The following NRG1 variants were observed in gnomAD, a reference collection of about 807,000 sequenced individuals.
The protein encoded by NRG1 is neuregulin 1, also known as pro-neuregulin-1, membrane-bound isoform.
In NRG1, 18 loss-of-function variants were observed where a neutral mutation model predicts 63.8. That is an observed-to-expected ratio of 0.28 (90% CI 0.19 to 0.42). The LOEUF is 0.42. NRG1 is among the 10% of genes least tolerant of loss of function. The pLI is 1.00. For missense variants in NRG1, 762 were observed against 814.7 expected (o/e 0.94, Z 0.79); for synonymous variants, 302 against 301.3 (o/e 1.00, Z -0.02).
intron 1 of NRG1, among the ~76,000 whole-genome samples, chr8:31,702,849 G>C (rs1051181640): frequency 4.0e-5 from 6 of 151,892 alleles, no homozygotes; most frequent in Admixed American, 2.6e-4. Context: ...TTTCCTCCAA[G>C]GCTATAGCTG....
chr8:32,548,170 C>A (rs909338639), upstream of NRG1: 23 of 958,580 alleles, frequency 2.4e-5, no homozygotes, highest in Non-Finnish European at 2.9e-5. Flanking sequence ...GGCGTGTCCG[C>A]GCCTCGGGGT....
intron 1 of NRG1, among the ~76,000 whole-genome samples, chr8:32,066,021 T>C (rs1391682370): frequency 1.3e-5 from 2 of 152,264 alleles, no homozygotes; most frequent in Non-Finnish European, 2.9e-5. Flanking sequence ...TTGCCCACTT[T>C]TTGATGGGGT....
chr8:32,163,100 C>A (rs1454538827), intron 1 of NRG1, among the ~76,000 whole-genome samples: 1 of 152,166 alleles, frequency 6.6e-6, no homozygotes, highest in Non-Finnish European at 1.5e-5. Context: ...ATCAATGAAT[C>A]ATATTTATCC....
chr8:32,093,343 G>T (rs1829461087), intron 1 of NRG1, among the ~76,000 whole-genome samples: 1 of 152,190 alleles, frequency 6.6e-6, no homozygotes, highest in Non-Finnish European at 1.5e-5. Context: ...ATAGCAACAA[G>T]TATAAGGCCT....
chr8:31,721,045 G>A (rs1812862582), intron 1 of NRG1, among the ~76,000 whole-genome samples: 1 of 152,168 alleles, frequency 6.6e-6, no homozygotes, highest in East Asian at 1.9e-4. Flanking sequence ...ATTGCAACCA[G>A]ACAGCAATCT....
At chr8:31,908,380 A>C (rs1040605551) in intron 1 of NRG1, among the ~76,000 whole-genome samples, 1 of 152,124 alleles carries the variant, frequency 6.6e-6, no homozygotes, top group South Asian at 2.1e-4. Context: ...AACTACATCA[A>C]TTATTTGAGG....
Position 32,374,530 on chromosome 8 carries a change from C to G in NRG1, c.38-221298C>G, listed in dbSNP as rs1450146461. ...AAAGAAAATGTTGACAATTTAGGTG[C>G]CAGCTGTTGTTTGACGAATAGCAAA... is the stretch of plus-strand genomic sequence containing the variant. On this transcript the variant is annotated intron_variant, in intron 1 of 10. Transcript: ENST00000519301. 1.3e-5 allele frequency among the ~76,000 whole-genome samples: 2 copies of G among 152,154 alleles called. 1 individual carries two copies. Among genetic ancestry groups the G allele is most frequent in the South Asian group, 4.2e-4 (2 of 4,816 alleles).
At chr8:32,548,603 G>C in exon 1 of NRG1, 1 of 1,346,004 alleles carries the variant, frequency 7.4e-7, no homozygotes, top group Non-Finnish European at 9.5e-7. Context: ...CAGCGCGAGC[G>C]CCTCAGCGCG....
At chr8:32,490,124 T>C (rs1018024461) in intron 1 of NRG1, among the ~76,000 whole-genome samples, 1 of 152,164 alleles carries the variant, frequency 6.6e-6, no homozygotes, top group Admixed American at 6.6e-5. Context: ...AGCAACATAG[T>C]GAGACCCCAT....
At chr8:32,578,352 A>G (rs183019398) in intron 1 of NRG1, among the ~76,000 whole-genome samples, 3 of 152,302 alleles carry the variant, frequency 2.0e-5, no homozygotes, top group Admixed American at 1.3e-4. Context: ...CTTTAATCAC[A>G]AAAAGCCAGT....
At chr8:32,555,115 G>C (rs966240555) in intron 1 of NRG1, among the ~76,000 whole-genome samples, 2 of 152,130 alleles carry the variant, frequency 1.3e-5, no homozygotes, top group Non-Finnish European at 2.9e-5. Context: ...GCAGTGGTTA[G>C]CTTGCAAGGG....
At chr8:32,350,213 A>G (rs1463932326) in intron 1 of NRG1, among the ~76,000 whole-genome samples, 1 of 152,226 alleles carries the variant, frequency 6.6e-6, no homozygotes, top group East Asian at 1.9e-4. Context: ...TAAACAGAGA[A>G]TAATAAATTG....
chr8:32,601,254 A>G (rs938248123), intron 2 of NRG1, among the ~76,000 whole-genome samples: 2 of 152,168 alleles, frequency 1.3e-5, no homozygotes, highest in Admixed American at 6.5e-5. Flanking sequence ...TTTCTGTGTG[A>G]TATTTTTGAA....
chr8:31,950,830 T>A (rs1462661740), intron 1 of NRG1, among the ~76,000 whole-genome samples: 1 of 152,242 alleles, frequency 6.6e-6, no homozygotes, highest in Non-Finnish European at 1.5e-5. Context: ...CTTGCATTCA[T>A]CAGCCTTGGG....
chr8:31,947,815 G>T (rs997094099), intron 1 of NRG1, among the ~76,000 whole-genome samples: 1 of 151,726 alleles, frequency 6.6e-6, no homozygotes, highest in East Asian at 1.9e-4. Context: ...GTGTGGTGGT[G>T]CATTCCTGTA....
chr8:32,438,389 C>T (rs1364174346), intron 1 of NRG1, among the ~76,000 whole-genome samples: 5 of 152,062 alleles, frequency 3.3e-5, no homozygotes, highest in Admixed American at 2.6e-4. Flanking sequence ...TTTGTTATCG[C>T]TGCATAGTAT....
intron 2 of NRG1, among the ~76,000 whole-genome samples, chr8:32,600,461 A>G (rs914099768): frequency 3.3e-5 from 5 of 152,142 alleles, no homozygotes; most frequent in Non-Finnish European, 7.4e-5. Flanking sequence ...CTATGGTAGA[A>G]TAATCGAGTT....
chr8:32,760,762 G>C (rs1047655697), intron 11 of NRG1: 51 of 1,034,496 alleles, frequency 4.9e-5, no homozygotes, highest in Admixed American at 1.5e-4. Flanking sequence ...GCTTGATAAG[G>C]ACCCTTCTAT....
rs113102918 is a variant in NRG1 at position 32,383,301 on chromosome 8, A to G, written c.38-212527A>G. Among the ~76,000 whole-genome samples the G allele has an allele frequency of 2.5e-3, 380 of 152,312 alleles. 3 individuals carry two copies. Among genetic ancestry groups the G allele is most frequent in the African/African-American group, 8.9e-3 (369 of 41,566 alleles). On this transcript the variant is annotated intron_variant, in intron 1 of 10. Transcript: ENST00000519301. ...ATGTCAGAGACCACATATTGCAATG[A>G]GAGTGAAATCACATGAAACTTATAA...
Sources: allele counts gnomAD v4.1 joint callset (sites outside exome capture counted in the v4.1 genomes callset), GRCh38; gene constraint gnomAD v4.1.1; transcripts MANE v1.5; gene names NCBI Gene and HGNC (gene_info 2026-07-23, HGNC 2026-07-21).